FGD6: variants seen among roughly 807,000 people sequenced by gnomAD.
FGD6 encodes the protein FYVE, RhoGEF and PH domain containing 6.
A neutral mutation model predicts 149.4 loss-of-function variants in FGD6; 90 were observed. The observed-to-expected ratio is 0.60, with a 90% CI of 0.51 to 0.72. The LOEUF (loss-of-function observed/expected upper bound fraction) is 0.72. Among genes scored for constraint, FGD6 ranks in the 30% least tolerant of loss-of-function variants. FGD6 has a pLI of 0.00. For synonymous variants in FGD6, 527 were observed against 584.0 expected, an observed-to-expected ratio of 0.90 and a Z score of 1.41; for missense variants, 1,437 against 1,684.8, an observed-to-expected ratio of 0.85 and a Z score of 2.57.
At chr12:95,104,970 A>AG (rs1441826582) in intron 14 of FGD6, 37 bp downstream of exon 14, 3 of 1,307,452 alleles carry the variant, frequency 2.3e-6, no homozygotes, top group Non-Finnish European at 3.0e-6. Flanking sequence ...ACTCAGAATG[A>AG]GAAAAAAAAA....
Position 95,211,000 on chromosome 12 carries a change from C to G in FGD6, c.284G>C (p.Cys95Ser). 6.2e-7 allele frequency: 1 copy of G among 1,614,192 alleles called. No homozygotes were observed. The change falls in exon 2 of 21, where the codon TGT becomes TCT. Residue 95 changes from cysteine to serine, a missense_variant. Transcript: ENST00000343958. ...ELAESTDNFN[C>S]KYEGNQSNDY... ...ATTGCTCTGATTGCCTTCATATTTA[C>G]AATTAAAGTTGTCAGTGCTTTCAGC...
chr12:95,152,328 A>C (rs1880334834), intron 5 of FGD6, among the ~76,000 whole-genome samples: 3 of 152,148 alleles, frequency 2.0e-5, no homozygotes, highest in Admixed American at 6.6e-5. Context: ...ATGCTCTCTC[A>C]AATCAAAAAA....
At position 95,209,042 on chromosome 12, in the gene FGD6, A is replaced by C. The variant is rs1019108190; in HGVS notation, c.2242T>G (p.Tyr748Asp). The change falls in exon 2 of 21, where the codon TAT (tyrosine) becomes GAT (aspartate). Residue 748 changes from tyrosine to aspartate, a missense_variant. Around this residue, in one of 2 missense-constraint regions of FGD6, gnomAD observed 1,055 missense variants for 1,146.0 expected, o/e 0.92. Transcript: ENST00000343958. ...TCCTCATAATGGCGTATATTTTCAT[A>C]CTCCGGTGCACAGAGGCTTGTAACA... ...KSVTSLCAPEYENIRHYEEIP... is the reference protein window; with the variant it reads ...KSVTSLCAPEDENIRHYEEIP... 4 of 1,613,668 alleles carry C rather than the reference A, an allele frequency of 2.5e-6. No homozygotes were observed. Among genetic ancestry groups the C allele is most frequent in the Non-Finnish European group, 3.4e-6 (4 of 1,179,976 alleles).
chr12:95,149,133 C>A (rs1380910174), intron 5 of FGD6, among the ~76,000 whole-genome samples: 1 of 41,348 alleles, frequency 2.4e-5, no homozygotes, highest in Admixed American at 4.7e-4. Context: ...TAATATATAG[C>A]ATATATTATA....
chr12:95,203,668 A>G (rs542640844), intron 2 of FGD6, among the ~76,000 whole-genome samples: 2 of 132,856 alleles, frequency 1.5e-5, no homozygotes, highest in South Asian at 2.5e-4. Context: ...TGCTTGACAT[A>G]TGGTCAGTAT....
intron 19 of FGD6, chr12:95,085,500 G>C (rs1877835814): frequency 2.4e-6 from 1 of 417,734 alleles, no homozygotes; most frequent in Non-Finnish European, 4.2e-6. Context: ...CAGTGCACCT[G>C]GGGGCAGCTC....
chr12:95,154,738 G>A (rs1465183954), intron 3 of FGD6, among the ~76,000 whole-genome samples: 1 of 152,060 alleles, frequency 6.6e-6, no homozygotes, highest in Non-Finnish European at 1.5e-5. Context: ...ACAAGGCAAT[G>A]ACATGATAAA....
chr12:95,188,377 C>A (rs1306441717), intron 2 of FGD6, among the ~76,000 whole-genome samples: 1 of 143,014 alleles, frequency 7.0e-6, no homozygotes, highest in Non-Finnish European at 1.5e-5. Context: ...GGGCAAAGCA[C>A]CATCCGTGTG....
At chr12:95,197,927 A>T (rs2136297539) in intron 2 of FGD6, among the ~76,000 whole-genome samples, 1 of 152,296 alleles carries the variant, frequency 6.6e-6, no homozygotes, top group South Asian at 2.1e-4. Context: ...AACCTTTGAA[A>T]CACCTATTAC....
At chr12:95,211,607 T>G (rs901221850) in intron 1 of FGD6, among the ~76,000 whole-genome samples, 1 of 151,438 alleles carries the variant, frequency 6.6e-6, no homozygotes, top group Non-Finnish European at 1.5e-5. Flanking sequence ...TGACATGATC[T>G]CGGCTCACTG....
intron 2 of FGD6, among the ~76,000 whole-genome samples, chr12:95,181,144 C>A (rs1881272145): frequency 6.6e-6 from 1 of 152,116 alleles, no homozygotes; most frequent in Non-Finnish European, 1.5e-5. Context: ...ATCTGGCTAG[C>A]CAGTTGATAG....
At chr12:95,201,049 T>G (rs1279999436) in intron 2 of FGD6, among the ~76,000 whole-genome samples, 1 of 151,844 alleles carries the variant, frequency 6.6e-6, no homozygotes, top group Non-Finnish European at 1.5e-5. Flanking sequence ...CAAAAGGGCT[T>G]CCCTAAAGAC....
chr12:95,183,481 C>G (rs1881342343), intron 2 of FGD6, among the ~76,000 whole-genome samples: 1 of 152,192 alleles, frequency 6.6e-6, no homozygotes, highest in Non-Finnish European at 1.5e-5. Flanking sequence ...CAGTGTCGAG[C>G]ATCAGGATTC....
chr12:95,116,813 A>C (rs552916028), intron 8 of FGD6: 1 of 455,928 alleles, frequency 2.2e-6, no homozygotes, highest in East Asian at 6.9e-5. Context: ...ATCTTCTTGC[A>C]GTATATCTTT....
intron 2 of FGD6, among the ~76,000 whole-genome samples, chr12:95,207,322 T>C (rs1211175125): frequency 6.6e-6 from 1 of 152,142 alleles, no homozygotes; most frequent in Admixed American, 6.5e-5. Context: ...GAACTGTGAG[T>C]CAATTAAACA....
intron 17 of FGD6, among the ~76,000 whole-genome samples, chr12:95,090,221 G>A (rs994795007): frequency 3.9e-5 from 6 of 152,024 alleles, no homozygotes; most frequent in Non-Finnish European, 8.8e-5. Flanking sequence ...AACACTGTGC[G>A]CTAAGAGGTC....
At chr12:95,130,601 G>C (rs781251126) in intron 8 of FGD6, among the ~76,000 whole-genome samples, 1 of 152,092 alleles carries the variant, frequency 6.6e-6, no homozygotes, top group Non-Finnish European at 1.5e-5. Flanking sequence ...ATCTCAGACT[G>C]GGCCCAGTGG....
intron 5 of FGD6, among the ~76,000 whole-genome samples, chr12:95,149,380 T>TTA (rs1285515314): frequency 1.1e-5 from 1 of 94,060 alleles, no homozygotes; most frequent in South Asian, 2.7e-4. Flanking sequence ...AGCACATATT[T>TTA]TATATATATA....
chr12:95,211,343 T>C (rs1208691170), intron 1 of FGD6, 76 bp from the exon 2 acceptor site: 2 of 1,479,098 alleles, frequency 1.4e-6, no homozygotes, highest in African/African-American at 2.8e-5. Flanking sequence ...TCTGATAGCA[T>C]TTTTTATTTT....
Sources: allele counts gnomAD v4.1 joint callset (sites outside exome capture counted in the v4.1 genomes callset), GRCh38; gene constraint gnomAD v4.1.1; regional missense constraint gnomAD v4.1.1; transcripts MANE v1.5; gene names NCBI Gene and HGNC (gene_info 2026-07-23, HGNC 2026-07-21).